The following AMN1 variants were observed in gnomAD, a reference collection of about 807,000 sequenced individuals.
AMN1 encodes the protein protein AMN1 homolog.
In AMN1, 20 loss-of-function variants were observed where a neutral mutation model predicts 33.0. The ratio of observed to expected loss-of-function variants is 0.61; its 90% CI spans 0.43 to 0.88. The LOEUF (loss-of-function observed/expected upper bound fraction) is 0.88. AMN1 is among the 40% of genes least tolerant of loss of function. AMN1 has a pLI of 0.00. For synonymous variants in AMN1, 114 were observed against 111.9 expected, an observed-to-expected ratio of 1.02 and a Z score of -0.12; for missense variants, 246 against 307.4, an observed-to-expected ratio of 0.80 and a Z score of 1.49.
At chr12:31,688,738 G>A (rs1032617327) in intron 6 of AMN1, among the ~76,000 whole-genome samples, 4 of 152,158 alleles carry the variant, frequency 2.6e-5, no homozygotes, top group Admixed American at 6.6e-5. Context: ...TTTAACCCAG[G>A]AGGTGGAGGT....
At chr12:31,709,481 CTT>C in intron 1 of AMN1, 56 bp from the exon 2 acceptor site, 2 of 1,549,522 alleles carry the variant, frequency 1.3e-6, no homozygotes, top group Non-Finnish European at 1.7e-6. Context: ...ATTCCTAACA[CTT>C]GTCTTAATGC....
At chr12:31,699,042 T>C (rs1467411585) in intron 3 of AMN1, among the ~76,000 whole-genome samples, 2 of 151,918 alleles carry the variant, frequency 1.3e-5, no homozygotes, top group Non-Finnish European at 2.9e-5. Flanking sequence ...CCACAGACCT[T>C]TGGCGAGGTG....
chr12:31,700,138 CCT>C (rs1938926146), intron 3 of AMN1, among the ~76,000 whole-genome samples: 1 of 151,360 alleles, frequency 6.6e-6, no homozygotes, highest in African/African-American at 2.4e-5. Context: ...CAAAAAAGTC[CCT>C]CTTTCTTATA....
intron 1 of AMN1, 131 bp from the exon 2 acceptor site, chr12:31,709,556 C>T (rs937287588): frequency 2.9e-5 from 33 of 1,123,834 alleles, no homozygotes; most frequent in East Asian, 7.9e-5. Context: ...TGGTGGCTCA[C>T]GCCTGTAATC....
chr12:31,688,098 G>A (rs1938345485), intron 6 of AMN1, among the ~76,000 whole-genome samples: 1 of 152,102 alleles, frequency 6.6e-6, no homozygotes, highest in African/African-American at 2.4e-5. Context: ...GGGATTACAG[G>A]TGCGCACCAC....
At chr12:31,715,590 C>A in intron 1 of AMN1, 1 of 159,548 alleles carries the variant, frequency 6.3e-6, no homozygotes. Flanking sequence ...GCCTCAGCTT[C>A]GCAGGGCTTG....
At position 31,683,292 on chromosome 12, in the gene AMN1, G is replaced by A. The variant is rs1194844183; in HGVS notation, c.703+5715C>T. On this transcript the variant is annotated intron_variant, in intron 6 of 6. Coordinates refer to ENST00000281471, the MANE Select transcript of AMN1 (RefSeq NM_001113402.2). The surrounding 1 kb of genome is among the most constrained non-coding windows in gnomAD (Gnocchi z 4.1). ...ATGATATGCTATTCTTGCTGCAAAT[G>A]TTGAAGTTGACTGATAATTTTTCTT... is the stretch of plus-strand genomic sequence containing the variant. 6.6e-6 allele frequency among the ~76,000 whole-genome samples: 1 copy of A among 152,208 alleles called. No individual in the cohort carries two copies. The highest frequency in any genetic ancestry group is 1.5e-5 in the Non-Finnish European group (1 of 68,042).
At chr12:31,691,115 G>A (rs1938479711) in intron 5 of AMN1, among the ~76,000 whole-genome samples, 1 of 147,782 alleles carries the variant, frequency 6.8e-6, no homozygotes, top group Non-Finnish European at 1.5e-5. Context: ...TCCAGCCTGG[G>A]TGATAGAGCA....
chr12:31,671,358 A>ATACT lies in AMN1; in HGVS notation c.*942_*945dup, dbSNP rs1951266878. On this transcript the variant is annotated 3_prime_UTR_variant, in exon 7 of 7. Coordinates refer to ENST00000281471, the MANE Select transcript of AMN1 (RefSeq NM_001113402.2). Reference sequence around the variant, plus strand: ...CCCCAACATATACAAGAAAGTTAGCATACTTACCCCGTTTTTCACTACATC... The same window carrying ATACT: ...CCCCAACATATACAAGAAAGTTAGCATACTTACTTACCCCGTTTTTCACTACATC... 1 of 152,190 alleles carries ATACT rather than the reference A, an allele frequency of 6.6e-6. No individual in the cohort carries two copies. The highest frequency in any genetic ancestry group is 1.5e-5 in the Non-Finnish European group (1 of 68,034). 9.4% of individuals were successfully genotyped at this position (152,190 alleles called of 1,614,324 possible).
chr12:31,672,582 G>T, intron 6 of AMN1: 2 of 421,988 alleles, frequency 4.7e-6, no homozygotes, highest in Non-Finnish European at 8.5e-6. Flanking sequence ...CACCTATCAT[G>T]GTATTACTTG....
chr12:31,691,453 GA>G (rs1938496487), intron 5 of AMN1, among the ~76,000 whole-genome samples: 1 of 151,916 alleles, frequency 6.6e-6, no homozygotes. Flanking sequence ...TTAGGGTGAT[GA>G]AAATGTTCTA....
chr12:31,713,929 G>T (rs1939569851), intron 1 of AMN1, among the ~76,000 whole-genome samples: 1 of 152,014 alleles, frequency 6.6e-6, no homozygotes, highest in Non-Finnish European at 1.5e-5. Context: ...ATCTCTGTTT[G>T]TAGAGACAAT....
chr12:31,681,196 TA>T (rs1430642734), intron 6 of AMN1, among the ~76,000 whole-genome samples: 2 of 152,132 alleles, frequency 1.3e-5, no homozygotes, highest in Non-Finnish European at 2.9e-5. Context: ...TGACTCAAGG[TA>T]GAATATATTG....
chr12:31,721,019 G>C (rs1251110539), intron 1 of AMN1, among the ~76,000 whole-genome samples: 1 of 152,162 alleles, frequency 6.6e-6, no homozygotes, highest in African/African-American at 2.4e-5. Context: ...AATATCTCTT[G>C]AGTCCAGGAG....
At chr12:31,673,257 G>GAA (rs765261991) in intron 6 of AMN1, 25 of 118,498 alleles carry the variant, frequency 2.1e-4, no homozygotes, top group Middle Eastern at 4.4e-3. Flanking sequence ...CAGACCAGTA[G>GAA]AAAAAAAAAA....
chr12:31,699,555 A>AG (rs1938898018), intron 3 of AMN1, among the ~76,000 whole-genome samples: 2 of 152,142 alleles, frequency 1.3e-5, no homozygotes, highest in Non-Finnish European at 2.9e-5. Flanking sequence ...CCATGGGGAC[A>AG]GGGGCTCCTG....
chr12:31,706,403 A>G (rs1939242511), intron 2 of AMN1, among the ~76,000 whole-genome samples: 1 of 151,572 alleles, frequency 6.6e-6, no homozygotes. Flanking sequence ...GCCTGGATAG[A>G]TGCCGCTCAC....
At chr12:31,709,915 G>A (rs1337769436) in intron 1 of AMN1, among the ~76,000 whole-genome samples, 1 of 151,994 alleles carries the variant, frequency 6.6e-6, no homozygotes, top group South Asian at 2.1e-4. Flanking sequence ...GTTAAATTAC[G>A]GACAAGATGC....
At chr12:31,718,784 T>A (rs1939774220) in intron 1 of AMN1, among the ~76,000 whole-genome samples, 1 of 152,212 alleles carries the variant, frequency 6.6e-6, no homozygotes, top group African/African-American at 2.4e-5. Flanking sequence ...AGAGGTGGAA[T>A]CTAGAGAGGC....
Sources: allele counts gnomAD v4.1 joint callset (sites outside exome capture counted in the v4.1 genomes callset), GRCh38; gene constraint gnomAD v4.1.1; non-coding constraint Gnocchi (gnomAD v3.1); transcripts MANE v1.5; gene names NCBI Gene and HGNC (gene_info 2026-07-23, HGNC 2026-07-21).